The following DYRK1A variants were observed in gnomAD, a reference collection of about 807,000 sequenced individuals.
DYRK1A encodes dual specificity tyrosine-phosphorylation-regulated kinase 1A.
In DYRK1A, 9 loss-of-function variants were observed where a neutral mutation model predicts 79.7. The observed-to-expected ratio is 0.11, with a 90% CI of 0.07 to 0.20. The LOEUF (loss-of-function observed/expected upper bound fraction) is 0.20. DYRK1A is among the 10% of genes least tolerant of loss of function. DYRK1A has a pLI of 1.00. For synonymous variants in DYRK1A, 349 were observed against 329.7 expected (o/e 1.06, Z -0.63); for missense variants, 622 against 956.0 (o/e 0.65, Z 4.61).
At chr21:37,370,726 C>A (rs1014507816) in intron 1 of DYRK1A, among the ~76,000 whole-genome samples, 3 of 152,110 alleles carry the variant, frequency 2.0e-5, no homozygotes, top group Non-Finnish European at 2.9e-5. Context: ...TAATCATAAG[C>A]AGTTATTTAA....
In DYRK1A at chr21:37,367,488, C is replaced by G. The variant is rs2049332675; in HGVS notation, c.-217C>G. Reference sequence around the variant, plus strand: ...AGGAGAGACTGAGCAGGCTGCGGCGCGGCCAGGAGCCGGAGCGCCGGGGGC... The same window carrying G: ...AGGAGAGACTGAGCAGGCTGCGGCGGGGCCAGGAGCCGGAGCGCCGGGGGC... On this transcript the variant is annotated 5_prime_UTR_variant, in exon 1 of 12. Coordinates refer to ENST00000647188, the MANE Select transcript of DYRK1A (RefSeq NM_001347721.2). 1 of 148,626 alleles carries G rather than the reference C, an allele frequency of 6.7e-6. No individual in the cohort carries two copies. Among genetic ancestry groups the G allele is most frequent in the African/African-American group, 2.4e-5 (1 of 41,046 alleles). 9.2% of individuals were successfully genotyped at this position (148,626 alleles called of 1,614,324 possible). A position where few individuals can be genotyped will look rare whatever the true frequency, so the allele number is the denominator to read the frequency against.
At position 37,516,826 on chromosome 21, in the gene DYRK1A, T is replaced by C. The variant is rs1182527238; in HGVS notation, c.*4295T>C. ...TGAGACTGTCAGGTATTTGTCAGTA[T>C]TTATTTCTAATTTCCTACTTTAAAT... is the stretch of plus-strand genomic sequence containing the variant. On this transcript the variant is annotated 3_prime_UTR_variant, in exon 12 of 12. Transcript: ENST00000647188. 1 of 152,218 alleles carries C rather than the reference T, an allele frequency of 6.6e-6. No homozygotes were observed. The highest frequency in any genetic ancestry group is 1.5e-5 in the Non-Finnish European group (1 of 68,046). The allele number at this position is 152,218 out of a possible 1,614,324, so 9.4% of individuals were successfully genotyped here. A position where few individuals can be genotyped will look rare whatever the true frequency, so the allele number is the denominator to read the frequency against.
intron 1 of DYRK1A, among the ~76,000 whole-genome samples, chr21:37,403,669 GT>G: frequency 1.4e-5 from 1 of 70,456 alleles, no homozygotes. Flanking sequence ...ATATATGTGT[GT>G]GTGTGTGTGT....
chr21:37,370,105 A>C (rs2049400744), intron 1 of DYRK1A, among the ~76,000 whole-genome samples: 1 of 152,172 alleles, frequency 6.6e-6, no homozygotes, highest in South Asian at 2.1e-4. Flanking sequence ...GGAGAGGCCT[A>C]GGTAACTGCA....
Position 37,525,668 on chromosome 21 carries a change from T to C in DYRK1A, c.*13137T>C, listed in dbSNP as rs925590435. The C allele has an allele frequency of 4.6e-5, 7 of 152,224 alleles. No homozygotes were observed. Among genetic ancestry groups the C allele is most frequent in the African/African-American group, 1.7e-4 (7 of 41,448 alleles). 9.4% of individuals were successfully genotyped at this position (152,224 alleles called of 1,614,324 possible). ...AAGTCAACAGATACTTTGTGAGAAA[T>C]ATTTGAATCTATCATGCATTATTGA... On this transcript the variant is annotated 3_prime_UTR_variant, in exon 12 of 12. Coordinates refer to ENST00000647188, the MANE Select transcript of DYRK1A (RefSeq NM_001347721.2).
chr21:37,517,776 A>C lies in DYRK1A; in HGVS notation c.*5245A>C, dbSNP rs935702554. The C allele has an allele frequency of 6.6e-6, 1 of 152,246 alleles. No homozygotes were observed. Among genetic ancestry groups the C allele is most frequent in the African/African-American group, 2.4e-5 (1 of 41,440 alleles). The allele number at this position is 152,246 out of a possible 1,614,324, so 9.4% of individuals were successfully genotyped here. A position where few individuals can be genotyped will look rare whatever the true frequency, so the allele number is the denominator to read the frequency against. On this transcript the variant is annotated 3_prime_UTR_variant, in exon 12 of 12. Coordinates refer to ENST00000647188, the MANE Select transcript of DYRK1A (RefSeq NM_001347721.2). ...GAGGATGAATTTGGAATCATCATCC[A>C]CTCACTGTTGGACAGAAAGACTGCA...
chr21:37,515,896 A>G lies in DYRK1A; in HGVS notation c.*3365A>G, dbSNP rs1220549156. On this transcript the variant is annotated 3_prime_UTR_variant, in exon 12 of 12. Coordinates refer to ENST00000647188, the MANE Select transcript of DYRK1A (RefSeq NM_001347721.2). ...AAAAATCATGAAAGATTCAGTAATT[A>G]TGTTAGGCTCACAAGTGACCATTGA... 7 of 151,754 alleles carry G rather than the reference A, an allele frequency of 4.6e-5. No homozygotes were observed. Among genetic ancestry groups the G allele is most frequent in the Non-Finnish European group, 1.0e-4 (7 of 67,966 alleles). 9.4% of individuals were successfully genotyped at this position (151,754 alleles called of 1,614,324 possible).
intron 1 of DYRK1A, among the ~76,000 whole-genome samples, chr21:37,405,603 C>T (rs1485917683): frequency 3.9e-5 from 6 of 152,132 alleles, no homozygotes; most frequent in East Asian, 3.8e-4. Flanking sequence ...GCTTAGGAAG[C>T]GTTACAGATA....
chr21:37,491,213 G>A (rs1347212237), intron 7 of DYRK1A, among the ~76,000 whole-genome samples: 1 of 151,982 alleles, frequency 6.6e-6, no homozygotes. Flanking sequence ...AGCTGATTTA[G>A]GAAAGCAGTT....
In DYRK1A at chr21:37,516,959, A is replaced by G. The variant is rs765507985; in HGVS notation, c.*4428A>G. ...CTGCTGTACCTGAAAATTTTTCCCC[A>G]TAATTTCCCATCTTTAGGGTATGTC... On this transcript the variant is annotated 3_prime_UTR_variant, in exon 12 of 12. Coordinates refer to ENST00000647188, the MANE Select transcript of DYRK1A (RefSeq NM_001347721.2). The G allele has an allele frequency of 2.6e-5, 4 of 152,134 alleles. No individual in the cohort carries two copies. The highest frequency in any genetic ancestry group is 7.2e-5 in the African/African-American group (3 of 41,422). The allele number at this position is 152,134 out of a possible 1,614,324, so 9.4% of individuals were successfully genotyped here. A position where few individuals can be genotyped will look rare whatever the true frequency, so the allele number is the denominator to read the frequency against.
chr21:37,495,166 G>GTGTGTA (rs1555986662), intron 8 of DYRK1A, among the ~76,000 whole-genome samples: 1 of 82,664 alleles, frequency 1.2e-5, no homozygotes, highest in African/African-American at 4.1e-5. Context: ...GTGTGTGTGT[G>GTGTGTA]TGTGTGTGTG....
intron 2 of DYRK1A, among the ~76,000 whole-genome samples, chr21:37,472,084 C>G (rs768679286): frequency 3.3e-5 from 5 of 152,036 alleles, no homozygotes; most frequent in Non-Finnish European, 7.4e-5. Context: ...GGTCTAGATT[C>G]CCTTAGGACT....
chr21:37,451,655 C>T (rs888681491), intron 2 of DYRK1A, among the ~76,000 whole-genome samples: 5 of 148,804 alleles, frequency 3.4e-5, no homozygotes, highest in East Asian at 4.0e-4. Flanking sequence ...TAGGCTCCAC[C>T]GTCTAGCGTG....
chr21:37,478,966 C>A (rs2148573754), intron 4 of DYRK1A, among the ~76,000 whole-genome samples: 1 of 152,246 alleles, frequency 6.6e-6, no homozygotes, highest in Admixed American at 6.5e-5. Flanking sequence ...GGCTTCATTG[C>A]CATTTGCTTG....
At chr21:37,389,484 C>G (rs927154987) in intron 1 of DYRK1A, among the ~76,000 whole-genome samples, 1 of 152,152 alleles carries the variant, frequency 6.6e-6, no homozygotes, top group South Asian at 2.1e-4. Context: ...ATTTCTGATT[C>G]GAGGTTGGTT....
intron 1 of DYRK1A, chr21:37,419,638 G>T (rs1208192264): frequency 2.0e-5 from 3 of 152,098 alleles, no homozygotes; most frequent in African/African-American, 7.2e-5. Context: ...TACCTCTTCT[G>T]CTGATTATCA....
intron 9 of DYRK1A, among the ~76,000 whole-genome samples, chr21:37,496,664 C>CA (rs1382415932): frequency 6.6e-6 from 1 of 151,226 alleles, no homozygotes; most frequent in African/African-American, 2.4e-5. Context: ...TTTTTAAGTT[C>CA]AGTTGGTAAA....
chr21:37,392,662 G>C (rs1483142856), intron 1 of DYRK1A, among the ~76,000 whole-genome samples: 2 of 152,116 alleles, frequency 1.3e-5, no homozygotes, highest in East Asian at 1.9e-4. Context: ...TTCCCCAAAG[G>C]CTCCACCTCT....
chr21:37,456,335 C>T (rs1473575090), intron 2 of DYRK1A: 1 of 152,242 alleles, frequency 6.6e-6, no homozygotes, highest in African/African-American at 2.4e-5. Flanking sequence ...AGAATGCTTT[C>T]TAGTTGTCTT....
Sources: gnomAD v4.1 joint callset for allele counts (sites outside exome capture counted in the v4.1 genomes callset) on GRCh38, gnomAD v4.1.1 for gene constraint, MANE v1.5 for transcripts, NCBI Gene and HGNC (gene_info 2026-07-23, HGNC 2026-07-21) for gene names.